Variants in TJP1 observed in about 807,000 individuals in gnomAD.
TJP1 encodes tight junction protein ZO-1.
Under a neutral mutation model 194.2 loss-of-function variants are expected in TJP1, and 43 were observed. The observed-to-expected ratio is 0.22, with a 90% CI of 0.17 to 0.29. The LOEUF is 0.29. Ranked by LOEUF, TJP1 falls within the 10% of genes least tolerant of loss-of-function variation. The pLI, the probability that TJP1 is intolerant of heterozygous loss-of-function variation, is 1.00. For missense variants in TJP1, 1,971 were observed against 2,185.7 expected (o/e 0.90, Z 1.96); for synonymous variants, 801 against 779.0 (o/e 1.03, Z -0.47).
At chr15:29,954,125 TG>T in intron 2 of TJP1, among the ~76,000 whole-genome samples, 1 of 152,204 alleles carries the variant, frequency 6.6e-6, no homozygotes, top group Non-Finnish European at 1.5e-5. Context: ...TTTCCCTGCT[TG>T]GAGTGTGTAC....
chr15:29,757,105 T>C (rs1446527754), intron 8 of TJP1, among the ~76,000 whole-genome samples: 1 of 152,174 alleles, frequency 6.6e-6, no homozygotes, highest in Non-Finnish European at 1.5e-5. Flanking sequence ...TTCAAGGTTA[T>C]GCAAGTAACC....
intron 2 of TJP1, among the ~76,000 whole-genome samples, chr15:29,907,310 G>C (rs957533811): frequency 5.3e-5 from 8 of 152,098 alleles, no homozygotes; most frequent in Non-Finnish European, 1.2e-4. Flanking sequence ...TCGGGAAGCT[G>C]AGGCAGGAGA....
chr15:29,880,818 C>A (rs2052900252), intron 2 of TJP1, among the ~76,000 whole-genome samples: 1 of 152,158 alleles, frequency 6.6e-6, no homozygotes, highest in Non-Finnish European at 1.5e-5. Flanking sequence ...ACGTATATAT[C>A]ACATTTTCTT....
chr15:29,907,163 A>T (rs748980239), intron 2 of TJP1, among the ~76,000 whole-genome samples: 6 of 152,070 alleles, frequency 3.9e-5, no homozygotes, highest in Non-Finnish European at 7.4e-5. Context: ...TAATCCCAGC[A>T]CTTTGGGAGG....
chr15:29,741,226 G>T, intron 10 of TJP1, 105 bp downstream of exon 10: 1 of 772,750 alleles, frequency 1.3e-6, no homozygotes, highest in Non-Finnish European at 2.1e-6. Context: ...TAGGTGGTAT[G>T]TACTATTTTA....
At chr15:29,840,373 G>C (rs755967388) in intron 2 of TJP1, among the ~76,000 whole-genome samples, 4 of 152,074 alleles carry the variant, frequency 2.6e-5, no homozygotes, top group Non-Finnish European at 5.9e-5. Context: ...ATGTAAGTTT[G>C]TCCATCATTT....
intron 23 of TJP1, among the ~76,000 whole-genome samples, chr15:29,713,491 G>A (rs1451545607): frequency 6.6e-6 from 1 of 152,208 alleles, no homozygotes; most frequent in Non-Finnish European, 1.5e-5. Flanking sequence ...TTTCTGAGGT[G>A]TGTTTTTAAG....
chr15:29,938,706 G>A (rs975717951), intron 2 of TJP1, among the ~76,000 whole-genome samples: 5 of 152,132 alleles, frequency 3.3e-5, no homozygotes, highest in African/African-American at 7.2e-5. Context: ...CCAGCAATTC[G>A]AACAATGAAA....
intron 23 of TJP1, among the ~76,000 whole-genome samples, chr15:29,711,771 G>A (rs563934045): frequency 6.6e-6 from 1 of 152,194 alleles, no homozygotes; most frequent in African/African-American, 2.4e-5. Context: ...TGAAACACCA[G>A]AGAGTAAATG....
intron 2 of TJP1, among the ~76,000 whole-genome samples, chr15:29,786,407 C>G (rs1300880318): frequency 5.9e-5 from 9 of 152,110 alleles, no homozygotes; most frequent in Admixed American, 1.3e-4. Context: ...AATTACCTAC[C>G]CTTTATTTTA....
chr15:29,908,315 G>T (rs1372040604), intron 2 of TJP1, among the ~76,000 whole-genome samples: 1 of 152,136 alleles, frequency 6.6e-6, no homozygotes, highest in Non-Finnish European at 1.5e-5. Flanking sequence ...TTGAGAAAGT[G>T]TAAAGGACTG....
At chr15:29,822,547 G>C, upstream of TJP1, 1 of 910,026 alleles carries the variant, frequency 1.1e-6, no homozygotes, top group Non-Finnish European at 1.3e-6. Context: ...GAGGCGAGGC[G>C]GGGAGGGGGC....
At chr15:29,757,049 T>C (rs1207006709) in intron 8 of TJP1, among the ~76,000 whole-genome samples, 1 of 152,196 alleles carries the variant, frequency 6.6e-6, no homozygotes, top group African/African-American at 2.4e-5. Context: ...CTGTAACGTA[T>C]GACCTGCCTG....
At position 29,718,845 on chromosome 15, in the gene TJP1, G is replaced by C. The variant is rs773624581; in HGVS notation, c.3297C>G (p.Pro1099=). ...TATCAAAAGGTGGCCGAGATGGGTA[G>C]GGCTGTTTGTCATCATAATATGACC... ...EQWSYYDDKQ[P]YPSRPPFDNQ... is the part of the protein sequence containing the mutation. The change falls in exon 21 of 28, where the codon CCC becomes CCG. Residue 1099 remains proline, a synonymous_variant. Transcript: ENST00000614355. 68 of 1,614,066 alleles carry C rather than the reference G, an allele frequency of 4.2e-5. No homozygotes were observed. Among genetic ancestry groups the C allele is most frequent in the Non-Finnish European group, 5.7e-5 (67 of 1,180,032 alleles).
Position 29,726,762 on chromosome 15 carries a change from C to G in TJP1, c.2311+19G>C, listed in dbSNP as rs769281078. ...CCAGACATTGTAAGCTGAAAGAAGG[C>G]CTTTATTAACATACTCACTTGTAAA... On this transcript the variant is annotated intron_variant, in intron 17 of 27. Transcript: ENST00000614355. The G allele has an allele frequency of 5.0e-6, 8 of 1,608,590 alleles. No homozygotes were observed. The South Asian group carries it at 6.6e-5, about 13-fold the overall frequency.
intron 2 of TJP1, among the ~76,000 whole-genome samples, chr15:29,874,184 T>C (rs1188739316): frequency 6.6e-6 from 1 of 152,106 alleles, no homozygotes; most frequent in Non-Finnish European, 1.5e-5. Flanking sequence ...ATTAATAACA[T>C]GAGGGCTGTT....
chr15:29,770,215 G>A (rs951594275), intron 4 of TJP1, among the ~76,000 whole-genome samples: 2 of 152,268 alleles, frequency 1.3e-5, no homozygotes, highest in African/African-American at 4.8e-5. Context: ...GGGAGGCGGA[G>A]GCAGGCAGAT....
At chr15:29,845,731 G>A (rs1388440270) in intron 2 of TJP1, among the ~76,000 whole-genome samples, 1 of 152,194 alleles carries the variant, frequency 6.6e-6, no homozygotes, top group Non-Finnish European at 1.5e-5. Context: ...GTGAAACCGG[G>A]AGGCGGAGCT....
intron 2 of TJP1, among the ~76,000 whole-genome samples, chr15:29,893,397 G>A (rs1338207204): frequency 2.0e-5 from 3 of 152,194 alleles, no homozygotes; most frequent in African/African-American, 7.2e-5. Context: ...GGGTTTGAGA[G>A]GACTGGCTCC....
Sources: allele counts gnomAD v4.1 joint callset (sites outside exome capture counted in the v4.1 genomes callset), GRCh38; gene constraint gnomAD v4.1.1; transcripts MANE v1.5; gene names NCBI Gene and HGNC (gene_info 2026-07-23, HGNC 2026-07-21).